Variants in TSPEAR observed in about 807,000 individuals in gnomAD.
TSPEAR encodes the protein thrombospondin-type laminin G domain and EAR repeat-containing protein.
TSPEAR carries 69 observed loss-of-function variants against 71.6 expected under a neutral mutation model. The ratio of observed to expected loss-of-function variants is 0.96; its 90% CI spans 0.79 to 1.18. TSPEAR has a LOEUF of 1.18. Among genes scored for constraint, TSPEAR ranks in the 50% most tolerant of loss-of-function variants. TSPEAR has a pLI of 0.00. For synonymous variants in TSPEAR, 402 were observed against 387.2 expected (o/e 1.04, Z -0.45); for missense variants, 971 against 894.9 (o/e 1.09, Z -1.09).
chr21:44,532,512 A>G (rs1219946587), intron 3 of TSPEAR, among the ~76,000 whole-genome samples: 1 of 152,248 alleles, frequency 6.6e-6, no homozygotes, highest in African/African-American at 2.4e-5. Context: ...AGTTTGGGGT[A>G]TGGTGGGAGA....
intron 11 of TSPEAR, among the ~76,000 whole-genome samples, chr21:44,501,523 G>C (rs911665795): frequency 6.6e-6 from 1 of 152,222 alleles, no homozygotes. Context: ...CGTGAACCCA[G>C]GAGGCGGAGC....
intron 1 of TSPEAR, chr21:44,690,714 T>A: frequency 4.5e-6 from 2 of 447,802 alleles, no homozygotes; most frequent in Non-Finnish European, 5.9e-6. Context: ...TGTGTTTTTC[T>A]AAGGCTAAGT....
At chr21:44,511,501 C>T (rs1185898838) in intron 9 of TSPEAR, among the ~76,000 whole-genome samples, 44 of 152,234 alleles carry the variant, frequency 2.9e-4, no homozygotes, top group Admixed American at 2.9e-3. Flanking sequence ...TGTATGCATG[C>T]AACCATGCAT....
At chr21:44,640,121 T>C (rs1555938236) in intron 1 of TSPEAR, among the ~76,000 whole-genome samples, 1 of 152,066 alleles carries the variant, frequency 6.6e-6, no homozygotes, top group African/African-American at 2.4e-5. Context: ...AGCCAAGAAG[T>C]GGAAAGAGCC....
intron 1 of TSPEAR, among the ~76,000 whole-genome samples, chr21:44,662,845 C>T (rs587749076): frequency 5.3e-4 from 80 of 151,938 alleles, no homozygotes; most frequent in African/African-American, 1.7e-3. Flanking sequence ...GTAAAGTAAC[C>T]GACACACTTC....
At chr21:44,576,986 G>A (rs587667338) in intron 1 of TSPEAR, among the ~76,000 whole-genome samples, 28 of 152,194 alleles carry the variant, frequency 1.8e-4, no homozygotes, top group African/African-American at 6.5e-4. Flanking sequence ...TTAACAGAAA[G>A]ACACTTAGAA....
chr21:44,530,341 C>T (rs180861224), intron 4 of TSPEAR, among the ~76,000 whole-genome samples: 5 of 151,980 alleles, frequency 3.3e-5, no homozygotes, highest in Admixed American at 3.3e-4. Flanking sequence ...CCCATCCATT[C>T]ATCCATGCAT....
In TSPEAR at chr21:44,661,371, T is replaced by TA. The variant is rs1985488362; in HGVS notation, c.82+50061dup. Among the ~76,000 whole-genome samples the TA allele has an allele frequency of 2.0e-5, 3 of 149,584 alleles. No individual in the cohort carries two copies. The South Asian group carries it at 6.3e-4, about 31-fold the overall frequency. On this transcript the variant is annotated intron_variant, in intron 1 of 11. Transcript: ENST00000323084. Reference sequence around the variant, plus strand: ...TGCATTGTGGGGTTTTTAACATAAGTAAAAGTAAAACATGGCAACAATAAC... The same window carrying TA: ...TGCATTGTGGGGTTTTTAACATAAGTAAAAAGTAAAACATGGCAACAATAAC...
intron 1 of TSPEAR, among the ~76,000 whole-genome samples, chr21:44,573,501 C>G (rs376218030): frequency 6.6e-6 from 1 of 152,234 alleles, no homozygotes; most frequent in African/African-American, 2.4e-5. Flanking sequence ...GTCTAAAACA[C>G]GCACATGCGC....
chr21:44,551,030 A>G (rs782690145), intron 2 of TSPEAR: 3 of 1,608,920 alleles, frequency 1.9e-6, no homozygotes, highest in Middle Eastern at 3.3e-4. Context: ...TGCAGCAGAC[A>G]GGCACACGGC....
intron 2 of TSPEAR, among the ~76,000 whole-genome samples, chr21:44,564,495 C>A (rs150388850): frequency 6.6e-6 from 1 of 151,822 alleles, no homozygotes; most frequent in Non-Finnish European, 1.5e-5. Flanking sequence ...AACTGCTGTC[C>A]GATAAAATAA....
At chr21:44,557,205 C>T (rs2053546390) in intron 2 of TSPEAR, among the ~76,000 whole-genome samples, 1 of 152,114 alleles carries the variant, frequency 6.6e-6, no homozygotes, top group African/African-American at 2.4e-5. Context: ...GGGTTCCTCA[C>T]ATAAGGCAAA....
chr21:44,711,122 G>A lies in TSPEAR; in HGVS notation c.82+311C>T, dbSNP rs1182411362. 4.6e-5 allele frequency among the ~76,000 whole-genome samples: 7 copies of A among 152,188 alleles called. No homozygotes were observed. Among genetic ancestry groups the A allele is most frequent in the East Asian group, 3.9e-4 (2 of 5,192 alleles). ...CCCAAAGCAGGTGTCAGCCTTTCCCGGGAGGCCCAGCAGGTAAGCACTTGT... is the reference window on the plus strand; with the variant it reads ...CCCAAAGCAGGTGTCAGCCTTTCCCAGGAGGCCCAGCAGGTAAGCACTTGT... On this transcript the variant is annotated intron_variant, in intron 1 of 11. Coordinates refer to ENST00000323084, the MANE Select transcript of TSPEAR (RefSeq NM_144991.3). This position sits in a 1 kb window ranked among gnomAD's most constrained non-coding sequence, Gnocchi z 4.5.
At chr21:44,580,097 GT>G in intron 1 of TSPEAR, 1 of 1,613,828 alleles carries the variant, frequency 6.2e-7, no homozygotes, top group African/African-American at 1.3e-5. Flanking sequence ...GGTGCAGCAA[GT>G]CGGCTGGCAG....
intron 1 of TSPEAR, among the ~76,000 whole-genome samples, chr21:44,674,731 AGTGTGTGTGTGTGTGTG>A (rs1986221488): frequency 3.9e-5 from 5 of 127,074 alleles, no homozygotes; most frequent in African/African-American, 1.5e-4. Context: ...CTGTCTTTAA[AGTGTGTGTGTGTGTGTG>A]TGTGTGTGTG....
At chr21:44,615,914 A>G (rs1288855476) in intron 1 of TSPEAR, among the ~76,000 whole-genome samples, 1 of 152,192 alleles carries the variant, frequency 6.6e-6, no homozygotes, top group East Asian at 1.9e-4. Context: ...GTCTTCATCA[A>G]GGAAAACACG....
At position 44,612,261 on chromosome 21, in the gene TSPEAR, G is replaced by A. The variant is rs138421420; in HGVS notation, c.83-44256C>T. Reference sequence around the variant, plus strand: ...TGCCAGGAAAGCTGCTGCGAGCCCCGCTCCTGTGCCTCCAGCTGCTGTACC... The same window carrying A: ...TGCCAGGAAAGCTGCTGCGAGCCCCACTCCTGTGCCTCCAGCTGCTGTACC... On this transcript the variant is annotated intron_variant, in intron 1 of 11. Coordinates refer to ENST00000323084, the MANE Select transcript of TSPEAR (RefSeq NM_144991.3). This position sits in a 1 kb window ranked among gnomAD's most constrained non-coding sequence, Gnocchi z 4.1. The A allele has an allele frequency of 2.0e-5, 33 of 1,613,318 alleles. No homozygotes were observed. The highest frequency in any genetic ancestry group is 1.1e-4 in the East Asian group (5 of 44,888).
At chr21:44,686,307 G>A (rs1316166503) in intron 1 of TSPEAR, 3 of 152,910 alleles carry the variant, frequency 2.0e-5, no homozygotes, top group Non-Finnish European at 4.4e-5. Flanking sequence ...GAGGGCAGAG[G>A]AGGAAAACCC....
chr21:44,711,109 G>A lies in TSPEAR; in HGVS notation c.82+324C>T, dbSNP rs1396989421. ...TTCATTCTTCATTCCCAAAGCAGGTGTCAGCCTTTCCCGGGAGGCCCAGCA... is the reference window on the plus strand; with the variant it reads ...TTCATTCTTCATTCCCAAAGCAGGTATCAGCCTTTCCCGGGAGGCCCAGCA... On this transcript the variant is annotated intron_variant, in intron 1 of 11. Transcript: ENST00000323084. This position sits in a 1 kb window ranked among gnomAD's most constrained non-coding sequence, Gnocchi z 4.5. Among the ~76,000 whole-genome samples, 2 of 152,220 alleles carry A rather than the reference G, an allele frequency of 1.3e-5. No homozygotes were observed. Among genetic ancestry groups the A allele is most frequent in the Non-Finnish European group, 2.9e-5 (2 of 68,040 alleles).
Sources: allele counts gnomAD v4.1 joint callset (sites outside exome capture counted in the v4.1 genomes callset), GRCh38; gene constraint gnomAD v4.1.1; non-coding constraint Gnocchi (gnomAD v3.1); transcripts MANE v1.5; gene names NCBI Gene and HGNC (gene_info 2026-07-23, HGNC 2026-07-21).